SETD2: variants seen among roughly 807,000 people sequenced by gnomAD.
SETD2 encodes the protein histone-lysine N-methyltransferase SETD2.
Under a neutral mutation model 242.1 loss-of-function variants are expected in SETD2, and 31 were observed. The ratio of observed to expected loss-of-function variants is 0.13; its 90% CI spans 0.10 to 0.17. The LOEUF (loss-of-function observed/expected upper bound fraction) is 0.17. Among genes scored for constraint, SETD2 ranks in the 10% least tolerant of loss-of-function variants. The probability of loss-of-function intolerance (pLI) is 1.00; values close to 1 mark genes in which losing one functional copy is unlikely to be tolerated. For synonymous variants in SETD2, 1,006 were observed against 1,066.5 expected, an observed-to-expected ratio of 0.94 and a Z score of 1.11; for missense variants, 2,481 against 3,046.3, an observed-to-expected ratio of 0.81 and a Z score of 4.37.
intron 1 of SETD2, among the ~76,000 whole-genome samples, chr3:47,152,443 T>G (rs2044007938): frequency 6.6e-6 from 1 of 152,224 alleles, no homozygotes; most frequent in Non-Finnish European, 1.5e-5. Context: ...AATGGATTTC[T>G]ATAGAAAGAG....
chr3:47,042,662 C>A lies in SETD2; in HGVS notation c.7137G>T (p.Pro2379=), dbSNP rs768154988. ...MVVTNNLLDL[P]PPSPPKPKTI... is the part of the protein sequence containing the mutation. Reference sequence around the variant, plus strand: ...TTTTTGGTTTGGGAGGAGAGGGGGGCGGCAGATCCAAGAGATTATTTGTCA... The same window carrying A: ...TTTTTGGTTTGGGAGGAGAGGGGGGAGGCAGATCCAAGAGATTATTTGTCA... Residue 2379 remains proline, a synonymous_variant, in exon 17 of 21, where the codon CCG becomes CCT. Coordinates refer to ENST00000409792, the MANE Select transcript of SETD2 (RefSeq NM_014159.7). 1.9e-6 allele frequency: 3 copies of A among 1,610,794 alleles called. No individual in the cohort carries two copies. The East Asian group carries it at 6.7e-5, about 36-fold the overall frequency.
At chr3:47,092,060 T>C (rs2041829328) in intron 9 of SETD2, among the ~76,000 whole-genome samples, 1 of 152,234 alleles carries the variant, frequency 6.6e-6, no homozygotes, top group Non-Finnish European at 1.5e-5. Context: ...TGAATAGATA[T>C]TGTGTAAGGC....
chr3:47,117,882 AAAAAC>A (rs1379377541), intron 3 of SETD2, among the ~76,000 whole-genome samples: 15 of 152,342 alleles, frequency 9.8e-5, no homozygotes, highest in African/African-American at 3.4e-4. Flanking sequence ...ACCCTGGTCT[AAAAAC>A]AAAACAAAAC....
chr3:47,061,804 C>G (rs1170370038), intron 14 of SETD2, among the ~76,000 whole-genome samples: 1 of 152,098 alleles, frequency 6.6e-6, no homozygotes, highest in Admixed American at 6.6e-5. Flanking sequence ...TAGTATGGCA[C>G]AAAACTCATA....
rs1362195525 is a variant in SETD2, at chr3:47,123,742, A to C, written c.894T>G (p.Ile298Met). The stretch of plus-strand genomic sequence containing the variant: ...AACCTGTTTTTTTACAGCTCAGACT[A>C]ATCTTAGAACTATCTGGAATTTCTT... ...KDEEIPDSSK[I>M]SLSCKKTGSK... Residue 298 changes from isoleucine (I) to methionine (M), a missense_variant, in exon 3 of 21, where the codon ATT becomes ATG. Transcript: ENST00000409792. 6.4e-7 allele frequency: 1 copy of C among 1,550,578 alleles called. No homozygotes were observed. The highest frequency in any genetic ancestry group is 8.7e-7 in the Non-Finnish European group (1 of 1,146,650).
At chr3:47,073,118 T>C (rs2040898373) in intron 12 of SETD2, among the ~76,000 whole-genome samples, 1 of 149,026 alleles carries the variant, frequency 6.7e-6, no homozygotes, top group African/African-American at 2.5e-5. Context: ...ACCACTGCAC[T>C]CTAGCCTGGG....
Position 47,017,798 on chromosome 3 carries a change from A to G in SETD2, c.7432-59T>C. ...CAGTCCAGAGAGGGCAAGGAGTTGTACTGAGGAAATAACTAGAAAAGGTAG... is the reference window on the plus strand; with the variant it reads ...CAGTCCAGAGAGGGCAAGGAGTTGTGCTGAGGAAATAACTAGAAAAGGTAG... On this transcript the variant is annotated intron_variant, in intron 19 of 20. Coordinates refer to ENST00000409792, the MANE Select transcript of SETD2 (RefSeq NM_014159.7). The surrounding 1 kb of genome is among the most constrained non-coding windows in gnomAD (Gnocchi z 4.8). 3 of 1,177,268 alleles carry G rather than the reference A, an allele frequency of 2.5e-6. No homozygotes were observed. The highest frequency in any genetic ancestry group is 3.8e-6 in the Non-Finnish European group (3 of 782,500). The allele number at this position is 1,177,268 out of a possible 1,614,324, so 72.9% of individuals were successfully genotyped here. A position where few individuals can be genotyped will look rare whatever the true frequency, so the allele number is the denominator to read the frequency against.
intron 12 of SETD2, among the ~76,000 whole-genome samples, chr3:47,077,088 C>T (rs1421559515): frequency 2.0e-5 from 3 of 151,964 alleles, no homozygotes; most frequent in African/African-American, 4.8e-5. Flanking sequence ...AGATGCTGTG[C>T]CTTATTTATT....
intron 18 of SETD2, among the ~76,000 whole-genome samples, chr3:47,028,128 C>T (rs1222559465): frequency 1.3e-5 from 2 of 152,050 alleles, no homozygotes; most frequent in Non-Finnish European, 2.9e-5. Context: ...GAAAACTAGA[C>T]AAAATACATG....
At position 47,017,010 on chromosome 3, in the gene SETD2, G is replaced by C; in HGVS notation, c.*83C>G. 1 of 1,319,516 alleles carries C rather than the reference G, an allele frequency of 7.6e-7. No individual in the cohort carries two copies. The highest frequency in any genetic ancestry group is 1.1e-6 in the Non-Finnish European group (1 of 923,806). The allele number at this position is 1,319,516 out of a possible 1,614,324, so 81.7% of individuals were successfully genotyped here. On this transcript the variant is annotated 3_prime_UTR_variant, in exon 21 of 21. Coordinates refer to ENST00000409792, the MANE Select transcript of SETD2 (RefSeq NM_014159.7). The surrounding 1 kb of genome is among the most constrained non-coding windows in gnomAD (Gnocchi z 4.8). ...TCATCAGTAGCACAGTGCTGACAGG[G>C]GTGGGACAGAAAGGCCCACAGGATT...
chr3:47,086,081 T>C, intron 11 of SETD2, 114 bp downstream of exon 11: 1 of 1,167,338 alleles, frequency 8.6e-7, no homozygotes, highest in South Asian at 1.4e-5. Flanking sequence ...TATTTGATTA[T>C]TTAATACCAA....
At chr3:47,127,715 G>T (rs1424129757) in intron 1 of SETD2, among the ~76,000 whole-genome samples, 1 of 152,112 alleles carries the variant, frequency 6.6e-6, no homozygotes, top group Non-Finnish European at 1.5e-5. Flanking sequence ...TACAAAATTA[G>T]CCGAGCATGG....
intron 1 of SETD2, among the ~76,000 whole-genome samples, chr3:47,146,172 A>G (rs1186643381): frequency 1.3e-5 from 2 of 152,142 alleles, no homozygotes; most frequent in African/African-American, 4.8e-5. Context: ...ACAGTACAAT[A>G]TATTAGGAGC....
intron 18 of SETD2, among the ~76,000 whole-genome samples, chr3:47,031,080 T>TG (rs2038744667): frequency 6.6e-6 from 1 of 152,148 alleles, no homozygotes; most frequent in Admixed American, 6.5e-5. Context: ...TACCAGGAAC[T>TG]GGGGAAGAGG....
intron 1 of SETD2, chr3:47,127,655 A>C: frequency 2.7e-6 from 1 of 370,482 alleles, no homozygotes. Flanking sequence ...TGAGGTCAGG[A>C]GCTCGAGACC....
At chr3:47,023,245 C>T (rs886107223) in intron 18 of SETD2, among the ~76,000 whole-genome samples, 2 of 151,872 alleles carry the variant, frequency 1.3e-5, no homozygotes, top group Admixed American at 1.3e-4. Context: ...CTAAAAAATA[C>T]AAAAATTAGT....
chr3:47,158,205 G>GA (rs909163546), intron 1 of SETD2, among the ~76,000 whole-genome samples: 4 of 151,924 alleles, frequency 2.6e-5, no homozygotes, highest in African/African-American at 7.3e-5. Flanking sequence ...ATATTGAGGG[G>GA]AAAAAAACCA....
intron 12 of SETD2, among the ~76,000 whole-genome samples, chr3:47,080,407 C>T (rs2041270917): frequency 6.6e-6 from 1 of 152,006 alleles, no homozygotes. Context: ...AATCACTAAC[C>T]ATTACAATCT....
intron 15 of SETD2, among the ~76,000 whole-genome samples, chr3:47,048,637 CTT>C (rs2039643661): frequency 6.6e-6 from 1 of 152,056 alleles, no homozygotes; most frequent in South Asian, 2.1e-4. Context: ...CTTTTTAACT[CTT>C]TTATAACACT....
Sources: allele counts gnomAD v4.1 joint callset (sites outside exome capture counted in the v4.1 genomes callset), GRCh38; gene constraint gnomAD v4.1.1; non-coding constraint Gnocchi (gnomAD v3.1); transcripts MANE v1.5; gene names NCBI Gene and HGNC (gene_info 2026-07-23, HGNC 2026-07-21).